Variants in LIMA1 observed in about 807,000 individuals in gnomAD.
LIMA1 encodes LIM domain and actin binding 1, also known as LIM domain and actin-binding protein 1.
In LIMA1, 52 loss-of-function variants were observed where a neutral mutation model predicts 62.6. That is an observed-to-expected ratio of 0.83 (90% CI 0.67 to 1.05). LIMA1 has a LOEUF of 1.05. Among genes scored for constraint, LIMA1 ranks in the 50% least tolerant of loss-of-function variants. The pLI is 0.00. For synonymous variants in LIMA1, 302 were observed against 317.8 expected (o/e 0.95, Z 0.53); for missense variants, 780 against 902.2 (o/e 0.86, Z 1.74).
intron 1 of LIMA1, among the ~76,000 whole-genome samples, chr12:50,255,773 C>G (rs1309881923): frequency 6.7e-6 from 1 of 150,320 alleles, no homozygotes; most frequent in South Asian, 2.1e-4. Context: ...TAAATAAAAG[C>G]AACATGAAAT....
intron 4 of LIMA1, among the ~76,000 whole-genome samples, chr12:50,210,418 CAAAAAAA>C (rs769288381): frequency 4.7e-4 from 43 of 90,830 alleles, no homozygotes; most frequent in African/African-American, 1.2e-3. Context: ...ACCCCATTTC[CAAAAAAA>C]AAAAAAAAAA....
At chr12:50,246,730 T>C (rs1421971685) in intron 2 of LIMA1, among the ~76,000 whole-genome samples, 1 of 152,212 alleles carries the variant, frequency 6.6e-6, no homozygotes. Flanking sequence ...TATTTTTCCA[T>C]GGCAGACTGC....
At chr12:50,215,178 ACGAG>A (rs370836504) in intron 4 of LIMA1, among the ~76,000 whole-genome samples, 1 of 152,368 alleles carries the variant, frequency 6.6e-6, no homozygotes, top group African/African-American at 2.4e-5. Flanking sequence ...ACTCTTATGT[ACGAG>A]TGTTATGCAA....
At chr12:50,248,202 G>T (rs1941877235) in intron 2 of LIMA1, among the ~76,000 whole-genome samples, 1 of 152,172 alleles carries the variant, frequency 6.6e-6, no homozygotes, top group Non-Finnish European at 1.5e-5. Context: ...GAAAGTGCAG[G>T]TATAGAGAGT....
intron 3 of LIMA1, among the ~76,000 whole-genome samples, chr12:50,230,678 G>A (rs1450320377): frequency 2.0e-5 from 3 of 151,868 alleles, no homozygotes; most frequent in Admixed American, 2.0e-4. Flanking sequence ...CCAGGTTCAC[G>A]CCATTCTCCT....
chr12:50,192,532 G>A lies in LIMA1; in HGVS notation c.1060C>T (p.Gln354Ter). Residue 354 changes from glutamine (Q) to a stop codon, truncating the protein, a stop_gained, in exon 9 of 11, where the codon CAG (glutamine) becomes TAG (stop). Transcript: ENST00000341247. LOFTEE classifies it high-confidence loss of function. Reference protein sequence around the residue: ...RDSQVKSEVQQPVHPKPLSPD... With the variant: ...RDSQVKSEVQ ...CTTAGTGGCTTGGGATGGACAGGCT[G>A]TTGAACCTCACTCTTAACCTGGGAG... 1.2e-6 allele frequency: 2 copies of A among 1,613,940 alleles called. No individual in the cohort carries two copies. The highest frequency in any genetic ancestry group is 2.2e-5 in the East Asian group (1 of 44,884).
intron 9 of LIMA1, chr12:50,191,222 T>C (rs999760082): frequency 2.6e-5 from 4 of 152,114 alleles, no homozygotes; most frequent in African/African-American, 9.6e-5. Flanking sequence ...CTGATTTTAG[T>C]TGAACAGATT....
In LIMA1 at chr12:50,226,525, G is replaced by A. The variant is rs867795355; in HGVS notation, c.166-4040C>T. Among the ~76,000 whole-genome samples the A allele has an allele frequency of 3.3e-5, 5 of 152,084 alleles. No homozygotes were observed. The East Asian group carries it at 7.7e-4, about 23-fold the overall frequency. On this transcript the variant is annotated intron_variant, in intron 3 of 10. Coordinates refer to ENST00000341247, the MANE Select transcript of LIMA1 (RefSeq NM_016357.5). The stretch of plus-strand genomic sequence containing the variant: ...TCTTCCCATTTTGAGATGCAAGAAG[G>A]GTGTAGAAAAAAACAATAATGAAAA...
intron 4 of LIMA1, among the ~76,000 whole-genome samples, chr12:50,218,548 C>CT (rs1322673042): frequency 6.6e-6 from 1 of 152,182 alleles, no homozygotes; most frequent in Non-Finnish European, 1.5e-5. Flanking sequence ...TGGCGTGCTT[C>CT]TTCCCTGTCT....
chr12:50,205,254 T>C (rs80127163), intron 5 of LIMA1, among the ~76,000 whole-genome samples: 1 of 151,588 alleles, frequency 6.6e-6, no homozygotes, highest in African/African-American at 2.4e-5. Context: ...TTTTTTTTTT[T>C]TTCTGTAGAG....
intron 10 of LIMA1, among the ~76,000 whole-genome samples, chr12:50,180,879 G>A (rs765184236): frequency 2.3e-4 from 35 of 152,140 alleles, no homozygotes; most frequent in Non-Finnish European, 3.8e-4. Flanking sequence ...TTGGGAGGCC[G>A]AGGCGGGTGG....
At chr12:50,227,529 G>A (rs1043325128) in intron 3 of LIMA1, among the ~76,000 whole-genome samples, 3 of 151,782 alleles carry the variant, frequency 2.0e-5, no homozygotes, top group African/African-American at 2.4e-5. Context: ...TGCCAGGCCC[G>A]AAGTCTTCCC....
At chr12:50,217,307 T>TAG in intron 4 of LIMA1, among the ~76,000 whole-genome samples, 1 of 152,036 alleles carries the variant, frequency 6.6e-6, no homozygotes, top group African/African-American at 2.4e-5. Flanking sequence ...TTAAAGTGTT[T>TAG]CTCTCCAGAC....
At chr12:50,253,159 GA>G (rs1941951796) in intron 1 of LIMA1, among the ~76,000 whole-genome samples, 1 of 151,972 alleles carries the variant, frequency 6.6e-6, no homozygotes, top group Non-Finnish European at 1.5e-5. Flanking sequence ...AAAGAAGAGG[GA>G]AAATGATGAG....
At chr12:50,198,292 TC>T (rs1487524195) in intron 7 of LIMA1, among the ~76,000 whole-genome samples, 1 of 152,144 alleles carries the variant, frequency 6.6e-6, no homozygotes, top group African/African-American at 2.4e-5. Context: ...CACCTGTACT[TC>T]CAGTACTTTG....
intron 1 of LIMA1, among the ~76,000 whole-genome samples, chr12:50,278,924 T>C (rs1343478288): frequency 6.6e-6 from 1 of 152,142 alleles, no homozygotes; most frequent in East Asian, 1.9e-4. Flanking sequence ...AAATGATAGA[T>C]CTCTCTGGAA....
At chr12:50,244,828 G>T (rs1941825508) in intron 2 of LIMA1, among the ~76,000 whole-genome samples, 1 of 152,098 alleles carries the variant, frequency 6.6e-6, no homozygotes, top group South Asian at 2.1e-4. Context: ...AGAATAGAGT[G>T]GTGAGAAAGG....
chr12:50,178,966 A>ATATATTTTTT (rs56674261), intron 10 of LIMA1, among the ~76,000 whole-genome samples: 2 of 128,930 alleles, frequency 1.6e-5, no homozygotes, highest in Non-Finnish European at 3.5e-5. Flanking sequence ...ATATATATAT[A>ATATATTTTTT]TTTTTTTTTT....
chr12:50,217,493 CT>C lies in LIMA1; in HGVS notation c.630+4527del, dbSNP rs76180466. Among the ~76,000 whole-genome samples the C allele has an allele frequency of 3.9e-3, 547 of 141,776 alleles. 1 individual carries two copies. The highest frequency in any genetic ancestry group is 4.7e-3 in the East Asian group (23 of 4,928). The allele number at this position is 141,776 out of a possible 152,430, so 93.0% of individuals were successfully genotyped here. ...TCAAGCCTGGCCTTTGAAGTAAAAT[CT>C]TTTTTTTTTTTTTAAGTACAATTGC... is the stretch of plus-strand genomic sequence containing the variant. On this transcript the variant is annotated intron_variant, in intron 4 of 10. Transcript: ENST00000341247.
Sources: allele counts gnomAD v4.1 joint callset (sites outside exome capture counted in the v4.1 genomes callset), GRCh38; gene constraint gnomAD v4.1.1; transcripts MANE v1.5; gene names NCBI Gene and HGNC (gene_info 2026-07-23, HGNC 2026-07-21).